The following TRPM3 variants were observed in gnomAD, a reference collection of about 807,000 sequenced individuals.
TRPM3 encodes the protein transient receptor potential cation channel subfamily M member 3.
In TRPM3, 77 loss-of-function variants were observed where a neutral mutation model predicts 181.2. That is an observed-to-expected ratio of 0.42 (90% CI 0.35 to 0.51). The LOEUF (loss-of-function observed/expected upper bound fraction) is 0.51, where lower values mean the gene tolerates loss of function less well. TRPM3 is among the 20% of genes least tolerant of loss of function. The pLI is 0.01. For synonymous variants in TRPM3, 745 were observed against 796.4 expected (o/e 0.94, Z 1.09); for missense variants, 1,759 against 2,196.7 (o/e 0.80, Z 3.98).
At chr9:70,553,444 A>T in intron 22 of TRPM3, 134 bp from the exon 23 acceptor site, 1 of 1,154,986 alleles carries the variant, frequency 8.7e-7, no homozygotes, top group Non-Finnish European at 1.2e-6. Context: ...AGTTCCAAAC[A>T]AGCCAAAATT....
chr9:70,942,068 G>A (rs1024668341), intron 1 of TRPM3, among the ~76,000 whole-genome samples: 2 of 151,938 alleles, frequency 1.3e-5, no homozygotes, highest in African/African-American at 4.8e-5. Flanking sequence ...GATTTTTTAT[G>A]TATGAGACAA....
intron 1 of TRPM3, among the ~76,000 whole-genome samples, chr9:71,434,937 T>C (rs931213464): frequency 1.3e-5 from 2 of 152,140 alleles, no homozygotes; most frequent in Non-Finnish European, 2.9e-5. Context: ...AAACTAATTA[T>C]AATGCAAACT....
In TRPM3 at chr9:70,553,063, G is replaced by A; in HGVS notation, c.3375-20C>T. 1.2e-6 allele frequency: 2 copies of A among 1,613,854 alleles called. No individual in the cohort carries two copies. The highest frequency in any genetic ancestry group is 1.7e-6 in the Non-Finnish European group (2 of 1,179,736). On this transcript the variant is annotated intron_variant, in intron 23 of 25. Transcript: ENST00000677713. Reference sequence around the variant, plus strand: ...GTATTGCTAAAATAGAGACCAAAGAGAATCAAGTGAGAAAAACCCACTGTT... The same window carrying A: ...GTATTGCTAAAATAGAGACCAAAGAAAATCAAGTGAGAAAAACCCACTGTT...
At chr9:70,787,763 C>CT in intron 6 of TRPM3, among the ~76,000 whole-genome samples, 73 of 68,550 alleles carry the variant, frequency 1.1e-3, no homozygotes, top group South Asian at 3.4e-3. Flanking sequence ...TTTTTGGATT[C>CT]TTTTTTTTTT....
intron 22 of TRPM3, among the ~76,000 whole-genome samples, chr9:70,578,745 A>G (rs2054743813): frequency 6.6e-6 from 1 of 152,214 alleles, no homozygotes; most frequent in South Asian, 2.1e-4. Flanking sequence ...AGGCAACTAC[A>G]TTGTGTCATC....
intron 21 of TRPM3, among the ~76,000 whole-genome samples, chr9:70,591,492 A>G (rs2058101004): frequency 6.6e-6 from 1 of 152,208 alleles, no homozygotes; most frequent in Admixed American, 6.5e-5. Context: ...TAGGTCCCAC[A>G]TAGGCTAGGC....
Position 70,653,689 on chromosome 9 carries a change from A to C in TRPM3, c.1346-13029T>G, listed in dbSNP as rs1210033722. On this transcript the variant is annotated intron_variant, in intron 9 of 25. Transcript: ENST00000677713. The stretch of plus-strand genomic sequence containing the variant: ...TTGCTTCCTGTCTCAAAAAAAAAAA[A>C]AAAAAAAAAAACAAACCAAACAAAT... 3.1e-3 allele frequency among the ~76,000 whole-genome samples: 463 copies of C among 151,564 alleles called. 3 individuals carry two copies. The highest frequency in any genetic ancestry group is 9.7e-3 in the African/African-American group (403 of 41,426).
intron 9 of TRPM3, among the ~76,000 whole-genome samples, chr9:70,663,627 T>C (rs1589966282): frequency 6.6e-6 from 1 of 152,340 alleles, no homozygotes; most frequent in Non-Finnish European, 1.5e-5. Context: ...TTCTACCATA[T>C]TTTAAGATTG....
At chr9:71,082,341 C>A (rs892366451) in intron 1 of TRPM3, among the ~76,000 whole-genome samples, 1 of 152,214 alleles carries the variant, frequency 6.6e-6, no homozygotes. Context: ...TCTCATGATG[C>A]CAATTTTCCT....
At chr9:71,122,305 C>T (rs2073736959), upstream of TRPM3, among the ~76,000 whole-genome samples, 1 of 152,136 alleles carries the variant, frequency 6.6e-6, no homozygotes, top group African/African-American at 2.4e-5. Context: ...TTTAGGACTC[C>T]TGTGGTGAGA....
intron 1 of TRPM3, among the ~76,000 whole-genome samples, chr9:70,937,822 G>A (rs926757284): frequency 1.4e-5 from 2 of 143,956 alleles, no homozygotes; most frequent in African/African-American, 5.1e-5. Context: ...TGGAGGTGCT[G>A]CAGAAGTCAA....
intron 1 of TRPM3, among the ~76,000 whole-genome samples, chr9:71,049,543 G>A (rs764343108): frequency 2.0e-5 from 3 of 152,124 alleles, no homozygotes; most frequent in Non-Finnish European, 4.4e-5. Flanking sequence ...AAGTTCATGA[G>A]AGGAAAGGGG....
intron 1 of TRPM3, among the ~76,000 whole-genome samples, chr9:71,144,698 T>TC (rs2075311232): frequency 1.3e-5 from 2 of 152,272 alleles, no homozygotes; most frequent in South Asian, 4.1e-4. Context: ...CTTGCAAAAG[T>TC]CAAGCCAGAT....
intron 6 of TRPM3, among the ~76,000 whole-genome samples, chr9:70,823,404 C>T (rs990019589): frequency 4.0e-4 from 61 of 152,256 alleles, no homozygotes; most frequent in African/African-American, 1.4e-3. Context: ...CCAAGCTTTC[C>T]CCCGCTCCTC....
chr9:71,109,240 C>A (rs1035766884), intron 1 of TRPM3, among the ~76,000 whole-genome samples: 1 of 152,086 alleles, frequency 6.6e-6, no homozygotes, highest in Non-Finnish European at 1.5e-5. Flanking sequence ...ACTGCATAAG[C>A]CAATTCCTTA....
chr9:71,114,527 T>C (rs917758260), intron 1 of TRPM3, among the ~76,000 whole-genome samples: 3 of 152,242 alleles, frequency 2.0e-5, no homozygotes, highest in African/African-American at 4.8e-5. Context: ...AATATAATTA[T>C]GCTTTTCCAA....
Position 70,694,015 on chromosome 9 carries a change from C to A in TRPM3, c.1273-12437G>T, listed in dbSNP as rs982394918. Reference sequence around the variant, plus strand: ...TGAGGCTGAGGGATCTGCCTTCTTGCCCCTTTGGCACCTTGCCTGGTGGAG... The same window carrying A: ...TGAGGCTGAGGGATCTGCCTTCTTGACCCTTTGGCACCTTGCCTGGTGGAG... On this transcript the variant is annotated intron_variant, in intron 8 of 25. Coordinates refer to ENST00000677713, the MANE Select transcript of TRPM3 (RefSeq NM_001366145.2). Among the ~76,000 whole-genome samples the A allele has an allele frequency of 3.9e-5, 6 of 152,350 alleles. 1 individual carries two copies. In the South Asian group the frequency reaches 1.2e-3, roughly 32 times the overall value.
At chr9:71,062,470 C>T (rs1233366938) in intron 1 of TRPM3, among the ~76,000 whole-genome samples, 2 of 152,024 alleles carry the variant, frequency 1.3e-5, no homozygotes, top group East Asian at 1.9e-4. Context: ...CAGCATAAAA[C>T]CATACAAAAA....
At chr9:70,740,046 T>G (rs1412613303) in intron 8 of TRPM3, among the ~76,000 whole-genome samples, 2 of 152,190 alleles carry the variant, frequency 1.3e-5, no homozygotes, top group African/African-American at 4.8e-5. Context: ...CATTTGCTGA[T>G]GATATGATCA....
Sources: allele counts gnomAD v4.1 joint callset (sites outside exome capture counted in the v4.1 genomes callset), GRCh38; gene constraint gnomAD v4.1.1; transcripts MANE v1.5; gene names NCBI Gene and HGNC (gene_info 2026-07-23, HGNC 2026-07-21).